CNTN5: variants seen among roughly 807,000 people sequenced by gnomAD.
CNTN5 encodes the protein contactin-5.
Under a neutral mutation model 129.1 loss-of-function variants are expected in CNTN5, and 77 were observed. That is an observed-to-expected ratio of 0.60 (90% CI 0.50 to 0.72). The LOEUF (loss-of-function observed/expected upper bound fraction) is 0.72, where lower values mean the gene tolerates loss of function less well. Ranked by LOEUF, CNTN5 falls within the 30% of genes least tolerant of loss-of-function variation. CNTN5 has a pLI of 0.00. For missense variants in CNTN5, 1,478 were observed against 1,328.8 expected (o/e 1.11, Z -1.75); for synonymous variants, 509 against 465.6 (o/e 1.09, Z -1.20).
At chr11:99,953,753 C>T (rs1163144039) in intron 7 of CNTN5, among the ~76,000 whole-genome samples, 1 of 152,244 alleles carries the variant, frequency 6.6e-6, no homozygotes, top group East Asian at 1.9e-4. Flanking sequence ...GAGTAGAAGA[C>T]AAAAATTCCC....
At chr11:99,681,647 T>C (rs1953560437) in intron 3 of CNTN5, among the ~76,000 whole-genome samples, 1 of 152,098 alleles carries the variant, frequency 6.6e-6, no homozygotes, top group Non-Finnish European at 1.5e-5. Flanking sequence ...CAAAAAATTT[T>C]TGTGGCTGTA....
intron 13 of CNTN5, among the ~76,000 whole-genome samples, chr11:100,164,175 C>CT (rs1366697333): frequency 3.3e-5 from 5 of 151,778 alleles, no homozygotes; most frequent in African/African-American, 1.2e-4. Context: ...TCATGATTCT[C>CT]TATGTCCATC....
In CNTN5 at chr11:100,299,267, G is replaced by A; in HGVS notation, c.2491G>A (p.Ala831Thr). The change falls in exon 20 of 25, where the codon GCT (alanine) becomes ACT (threonine). Residue 831 changes from alanine to threonine, a missense_variant. Coordinates refer to ENST00000524871, the MANE Select transcript of CNTN5 (RefSeq NM_014361.4). Reference sequence around the variant, plus strand: ...GGAAAAAATGGTGACATCCTCTGAAGCTTCCAAATTCATTTATCGAGATGA... The same window carrying A: ...GGAAAAAATGGTGACATCCTCTGAAACTTCCAAATTCATTTATCGAGATGA... ...WKEKMVTSSE[A>T]SKFIYRDESV... 1 of 1,610,648 alleles carries A rather than the reference G, an allele frequency of 6.2e-7. No individual in the cohort carries two copies. Among genetic ancestry groups the A allele is most frequent in the South Asian group, 1.1e-5 (1 of 90,998 alleles).
In CNTN5 at chr11:99,869,840, G is replaced by T. The variant is rs115453793; in HGVS notation, c.577+24578G>T. Reference sequence around the variant, plus strand: ...TATGTGGCAAAGATGATTAGAAAAAGGTAACTCCTCCCTTAGGGATCTATT... The same window carrying T: ...TATGTGGCAAAGATGATTAGAAAAATGTAACTCCTCCCTTAGGGATCTATT... On this transcript the variant is annotated intron_variant, in intron 6 of 24. Coordinates refer to ENST00000524871, the MANE Select transcript of CNTN5 (RefSeq NM_014361.4). Among the ~76,000 whole-genome samples, 989 of 152,192 alleles carry T rather than the reference G, an allele frequency of 6.5e-3. 11 individuals carry two copies. The highest frequency in any genetic ancestry group is 0.023 in the African/African-American group (941 of 41,542).
intron 2 of CNTN5, among the ~76,000 whole-genome samples, chr11:99,524,802 C>CA (rs970248565): frequency 1.1e-3 from 147 of 139,446 alleles, no homozygotes; most frequent in African/African-American, 2.2e-3. Flanking sequence ...GATTCCATCT[C>CA]AAAAAAAAAC....
chr11:99,157,323 T>C (rs1267240804), intron 1 of CNTN5, among the ~76,000 whole-genome samples: 1 of 152,076 alleles, frequency 6.6e-6, no homozygotes, highest in Non-Finnish European at 1.5e-5. Flanking sequence ...TAAGAAACTA[T>C]CCTGTTATAT....
intron 1 of CNTN5, among the ~76,000 whole-genome samples, chr11:99,279,358 T>C (rs932564324): frequency 2.0e-5 from 3 of 151,800 alleles, no homozygotes; most frequent in Admixed American, 1.3e-4. Flanking sequence ...ATTTCACTCT[T>C]ATCCACCAGA....
chr11:99,342,813 T>C (rs1866583474), intron 2 of CNTN5, among the ~76,000 whole-genome samples: 1 of 151,990 alleles, frequency 6.6e-6, no homozygotes, highest in Non-Finnish European at 1.5e-5. Flanking sequence ...TTTTTAGGAC[T>C]ATAAAAAAAT....
chr11:99,743,691 G>A (rs1943955701), intron 3 of CNTN5, among the ~76,000 whole-genome samples: 1 of 151,996 alleles, frequency 6.6e-6, no homozygotes, highest in African/African-American at 2.4e-5. Context: ...TAATACAGGT[G>A]GCCTCTTAGT....
intron 1 of CNTN5, among the ~76,000 whole-genome samples, chr11:99,230,432 T>TA (rs11376948): frequency 0.13 from 19,628 of 152,092 alleles, 1,359 homozygotes; most frequent in Middle Eastern, 0.2. Context: ...TAAATGGAAA[T>TA]AAATTATGTT....
intron 23 of CNTN5, among the ~76,000 whole-genome samples, chr11:100,343,432 C>T (rs927337397): frequency 6.6e-6 from 1 of 151,814 alleles, no homozygotes; most frequent in East Asian, 1.9e-4. Context: ...TGGGATGATC[C>T]CCACTGAGAG....
chr11:99,338,741 T>C (rs1190928427), intron 2 of CNTN5, among the ~76,000 whole-genome samples: 1 of 151,882 alleles, frequency 6.6e-6, no homozygotes, highest in African/African-American at 2.4e-5. Flanking sequence ...TTTTCTCTAT[T>C]TGTATATGCT....
intron 3 of CNTN5, among the ~76,000 whole-genome samples, chr11:99,735,772 G>T (rs1285254788): frequency 6.6e-6 from 1 of 151,970 alleles, no homozygotes; most frequent in Admixed American, 6.6e-5. Context: ...CACCTCATAC[G>T]GTTACCATCG....
chr11:100,238,408 C>CAAAAAAA (rs201855934), intron 16 of CNTN5, among the ~76,000 whole-genome samples: 1 of 71,324 alleles, frequency 1.4e-5, no homozygotes, highest in Admixed American at 1.8e-4. Context: ...CCTCACTTGT[C>CAAAAAAA]AAAAAAAAAA....
chr11:100,018,596 G>A (rs761377087), intron 9 of CNTN5, among the ~76,000 whole-genome samples: 3 of 151,886 alleles, frequency 2.0e-5, no homozygotes, highest in Non-Finnish European at 4.4e-5. Flanking sequence ...TGGATTCCAT[G>A]TTTCAGCTAT....
intron 18 of CNTN5, among the ~76,000 whole-genome samples, chr11:100,288,559 A>C (rs1389230327): frequency 6.6e-6 from 1 of 152,210 alleles, no homozygotes; most frequent in Non-Finnish European, 1.5e-5. Context: ...TTTGAAACCA[A>C]CGAGAACAAA....
At chr11:99,717,753 A>T (rs1943026522) in intron 3 of CNTN5, among the ~76,000 whole-genome samples, 1 of 152,128 alleles carries the variant, frequency 6.6e-6, no homozygotes, top group South Asian at 2.1e-4. Flanking sequence ...TGTTCTTCAA[A>T]TGCATATAGA....
intron 2 of CNTN5, among the ~76,000 whole-genome samples, chr11:99,390,489 TA>T (rs1394674011): frequency 2.6e-5 from 4 of 152,220 alleles, no homozygotes; most frequent in Non-Finnish European, 5.9e-5. Context: ...GTTGATGACA[TA>T]TATAAAGTAT....
At chr11:100,156,428 A>T (rs1947245006) in intron 13 of CNTN5, among the ~76,000 whole-genome samples, 1 of 152,104 alleles carries the variant, frequency 6.6e-6, no homozygotes, top group African/African-American at 2.4e-5. Flanking sequence ...GGCTTTTCAC[A>T]TCGACGTTCA....
Sources: gnomAD v4.1 joint callset for allele counts (sites outside exome capture counted in the v4.1 genomes callset) on GRCh38, gnomAD v4.1.1 for gene constraint, MANE v1.5 for transcripts, NCBI Gene and HGNC (gene_info 2026-07-23, HGNC 2026-07-21) for gene names.